Variants in DPH6 observed in about 807,000 individuals in gnomAD.
The protein encoded by DPH6 is diphthamine biosynthesis 6, also known as diphthine--ammonia ligase.
In DPH6, 33 loss-of-function variants were observed where a neutral mutation model predicts 38.2. That is an observed-to-expected ratio of 0.86 (90% confidence interval 0.65 to 1.15). The LOEUF is 1.15. Ranked by LOEUF, DPH6 falls within the 50% of genes most tolerant of loss-of-function variation. The pLI is 0.00. For synonymous variants in DPH6, 108 were observed against 103.0 expected (o/e 1.05, Z -0.30); for missense variants, 325 against 320.0 (o/e 1.02, Z -0.12).
At chr15:35,359,901 A>G (rs1291470580) in intron 3 of DPH6, among the ~76,000 whole-genome samples, 3 of 151,568 alleles carry the variant, frequency 2.0e-5, no homozygotes, top group Non-Finnish European at 4.4e-5. Flanking sequence ...TTCCCATTTT[A>G]TTCATGTATT....
At chr15:35,273,997 A>G (rs545230755) in intron 3 of DPH6, among the ~76,000 whole-genome samples, 5 of 152,364 alleles carry the variant, frequency 3.3e-5, no homozygotes, top group African/African-American at 1.2e-4. Context: ...ACCTGACTTC[A>G]AACTATACTA....
intron 5 of DPH6, among the ~76,000 whole-genome samples, chr15:35,411,727 A>G (rs1595540817): frequency 6.6e-6 from 1 of 151,756 alleles, no homozygotes. Context: ...AGTTTCATTT[A>G]CAAAAGTTAA....
chr15:35,246,744 T>C (rs1011617416), intron 3 of DPH6, among the ~76,000 whole-genome samples: 17 of 152,194 alleles, frequency 1.1e-4, no homozygotes, highest in Non-Finnish European at 2.4e-4. Flanking sequence ...ACCATACCTG[T>C]GACTGTAGGA....
chr15:35,446,835 T>C (rs2053859999), intron 5 of DPH6, among the ~76,000 whole-genome samples: 1 of 151,948 alleles, frequency 6.6e-6, no homozygotes, highest in Non-Finnish European at 1.5e-5. Context: ...AGGGGCACTC[T>C]GCCATTTTAT....
At chr15:35,293,006 G>A (rs2051990092) in intron 3 of DPH6, among the ~76,000 whole-genome samples, 1 of 151,770 alleles carries the variant, frequency 6.6e-6, no homozygotes, top group African/African-American at 2.4e-5. Context: ...TGCCATTTGG[G>A]TACAGCTATA....
intron 5 of DPH6, among the ~76,000 whole-genome samples, chr15:35,432,464 G>T (rs2053644286): frequency 6.6e-6 from 1 of 152,106 alleles, no homozygotes; most frequent in African/African-American, 2.4e-5. Flanking sequence ...AAAGAAAGAA[G>T]AGCTTTATTA....
At chr15:35,170,371 C>A in the DPH6 span, among the ~76,000 whole-genome samples, 6 of 152,130 alleles carry the variant, frequency 3.9e-5, no homozygotes, top group African/African-American at 1.4e-4. Context: ...TCTCTTAGCA[C>A]CATGAATCAA....
intron 6 of DPH6, among the ~76,000 whole-genome samples, chr15:35,388,090 T>C (rs2052997145): frequency 6.6e-6 from 1 of 152,242 alleles, no homozygotes; most frequent in Admixed American, 6.5e-5. Flanking sequence ...TCTGCATCTA[T>C]TGAAATAATC....
At chr15:35,516,859 A>G (rs1306798634) in intron 3 of DPH6, among the ~76,000 whole-genome samples, 1 of 152,092 alleles carries the variant, frequency 6.6e-6, no homozygotes, top group Non-Finnish European at 1.5e-5. Flanking sequence ...AGAATTCCAG[A>G]GCATACATAC....
At chr15:35,375,685 T>C (rs1013203621) in intron 7 of DPH6, among the ~76,000 whole-genome samples, 9 of 152,094 alleles carry the variant, frequency 5.9e-5, no homozygotes, top group African/African-American at 1.7e-4. Context: ...GCCAAGAGCA[T>C]GCCCATGTTC....
intron 3 of DPH6, among the ~76,000 whole-genome samples, chr15:35,271,995 G>A (rs1164715483): frequency 6.6e-6 from 1 of 152,076 alleles, no homozygotes; most frequent in African/African-American, 2.4e-5. Flanking sequence ...TGAAATGGTG[G>A]TAAAATACTA....
intron 5 of DPH6, among the ~76,000 whole-genome samples, chr15:35,432,238 A>C (rs1352035231): frequency 6.6e-6 from 1 of 152,182 alleles, no homozygotes; most frequent in Admixed American, 6.5e-5. Flanking sequence ...GATGTTTAAA[A>C]TGGGTAAAAA....
chr15:35,337,874 G>A (rs1179324310), intron 3 of DPH6, among the ~76,000 whole-genome samples: 9 of 151,762 alleles, frequency 5.9e-5, no homozygotes, highest in African/African-American at 1.7e-4. Flanking sequence ...CAGAAATAAT[G>A]CCACATATCT....
chr15:35,253,571 C>T (rs1255361884), intron 3 of DPH6, among the ~76,000 whole-genome samples: 1 of 152,150 alleles, frequency 6.6e-6, no homozygotes, highest in Non-Finnish European at 1.5e-5. Context: ...CAGATTTGAT[C>T]GACATTTGAT....
chr15:35,165,786 T>C, the DPH6 span, among the ~76,000 whole-genome samples: 5 of 151,970 alleles, frequency 3.3e-5, no homozygotes, highest in Non-Finnish European at 7.4e-5. Context: ...AATCTTAGTA[T>C]ATAATTCTGA....
At chr15:35,384,576 T>C (rs1335154151) in intron 6 of DPH6, among the ~76,000 whole-genome samples, 1 of 152,002 alleles carries the variant, frequency 6.6e-6, no homozygotes, top group Non-Finnish European at 1.5e-5. Context: ...GGCAGGAGAA[T>C]CGCTTGAACC....
chr15:35,526,316 A>G (rs2055001264), intron 3 of DPH6, among the ~76,000 whole-genome samples: 1 of 152,232 alleles, frequency 6.6e-6, no homozygotes, highest in Non-Finnish European at 1.5e-5. Flanking sequence ...ATTCTGCACA[A>G]GAAAGACAAA....
chr15:35,423,695 C>G (rs2053534424), intron 5 of DPH6, among the ~76,000 whole-genome samples: 1 of 151,522 alleles, frequency 6.6e-6, no homozygotes, highest in South Asian at 2.1e-4. Flanking sequence ...AGTTTTAAAT[C>G]CATTTTGAGT....
intron 3 of DPH6, among the ~76,000 whole-genome samples, chr15:35,322,350 T>C (rs2052247934): frequency 6.6e-6 from 1 of 152,220 alleles, no homozygotes; most frequent in South Asian, 2.1e-4. Context: ...GGAGGGACTA[T>C]TGTTATAATT....
Sources: allele counts gnomAD v4.1 joint callset (sites outside exome capture counted in the v4.1 genomes callset), GRCh38; gene constraint gnomAD v4.1.1; transcripts MANE v1.5; gene names NCBI Gene and HGNC (gene_info 2026-07-23, HGNC 2026-07-21).